The following RNF217 variants were observed in gnomAD, a reference collection of about 807,000 sequenced individuals.
The protein encoded by RNF217 is E3 ubiquitin-protein ligase RNF217.
RNF217 carries 31 observed loss-of-function variants against 57.8 expected under a neutral mutation model. The observed-to-expected ratio is 0.54, with a 90% CI of 0.40 to 0.72. The LOEUF is 0.72. RNF217 is among the 30% of genes least tolerant of loss of function. The pLI, the probability that RNF217 is intolerant of heterozygous loss-of-function variation, is 0.00. For synonymous variants in RNF217, 313 were observed against 294.0 expected, an observed-to-expected ratio of 1.06 and a Z score of -0.66; for missense variants, 696 against 708.3, an observed-to-expected ratio of 0.98 and a Z score of 0.20.
At chr6:125,027,975 T>C (rs1489030053) in intron 1 of RNF217, among the ~76,000 whole-genome samples, 4 of 152,258 alleles carry the variant, frequency 2.6e-5, no homozygotes, top group Middle Eastern at 3.4e-3. Flanking sequence ...AATCAGATTA[T>C]TAGATTTTTT....
intron 3 of RNF217, among the ~76,000 whole-genome samples, chr6:125,058,873 C>T (rs1245984860): frequency 2.0e-5 from 3 of 152,070 alleles, no homozygotes; most frequent in Non-Finnish European, 4.4e-5. Flanking sequence ...GTACCCTTTG[C>T]CTTATGTGGT....
At chr6:125,030,282 GC>G (rs1786298681) in intron 1 of RNF217, among the ~76,000 whole-genome samples, 1 of 151,980 alleles carries the variant, frequency 6.6e-6, no homozygotes, top group Non-Finnish European at 1.5e-5. Context: ...TCTGCCCCTG[GC>G]CCCTCTAAAT....
At chr6:124,991,914 G>C (rs1205656962) in intron 1 of RNF217, among the ~76,000 whole-genome samples, 1 of 152,174 alleles carries the variant, frequency 6.6e-6, no homozygotes, top group Non-Finnish European at 1.5e-5. Flanking sequence ...ATACCAGAAA[G>C]CTCTATTAGA....
chr6:125,061,963 AC>A (rs1301515221), intron 3 of RNF217, among the ~76,000 whole-genome samples: 1 of 151,732 alleles, frequency 6.6e-6, no homozygotes, highest in African/African-American at 2.4e-5. Flanking sequence ...AAACCATCTA[AC>A]CCAATTGTGT....
rs576221501 is a variant in RNF217 at position 125,068,956 on chromosome 6, G to C, written c.1282-7701G>C. On this transcript the variant is annotated intron_variant, in intron 3 of 5. Coordinates refer to ENST00000521654, the MANE Select transcript of RNF217 (RefSeq NM_001286398.3). ...CACAGAGAGGAGAGGTGAAGATGAAGCTGAAGGAGGGGAAAACTGGCATCT... is the reference window on the plus strand; with the variant it reads ...CACAGAGAGGAGAGGTGAAGATGAACCTGAAGGAGGGGAAAACTGGCATCT... Among the ~76,000 whole-genome samples the C allele has an allele frequency of 2.0e-5, 3 of 152,038 alleles. No homozygotes were observed. In the East Asian group the frequency reaches 5.8e-4, roughly 29 times the overall value.
rs1020290113 is a variant in RNF217, at chr6:125,089,378, A to G, written c.*6441A>G. 2.6e-5 allele frequency: 4 copies of G among 152,182 alleles called. No individual in the cohort carries two copies. Among genetic ancestry groups the G allele is most frequent in the Admixed American group, 1.3e-4 (2 of 15,272 alleles). 9.4% of individuals were successfully genotyped at this position (152,182 alleles called of 1,614,324 possible). Reference sequence around the variant, plus strand: ...CCAAAAAGGGTTATAGGTATGGTTTATGGTCTTTGTTTCAGCAAAACGTCC... The same window carrying G: ...CCAAAAAGGGTTATAGGTATGGTTTGTGGTCTTTGTTTCAGCAAAACGTCC... On this transcript the variant is annotated 3_prime_UTR_variant, in exon 6 of 6. Coordinates refer to ENST00000521654, the MANE Select transcript of RNF217 (RefSeq NM_001286398.3).
At chr6:125,066,823 G>A (rs895866780) in intron 3 of RNF217, among the ~76,000 whole-genome samples, 1 of 152,132 alleles carries the variant, frequency 6.6e-6, no homozygotes, top group Non-Finnish European at 1.5e-5. Flanking sequence ...ATAGATAATG[G>A]CTGAATAAAT....
chr6:125,053,505 AT>A (rs1410889925), intron 2 of RNF217, among the ~76,000 whole-genome samples: 1 of 152,122 alleles, frequency 6.6e-6, no homozygotes, highest in Non-Finnish European at 1.5e-5. Context: ...AATATTTTGA[AT>A]TTGATAAGTA....
At chr6:125,063,956 G>C (rs1053997104) in intron 3 of RNF217, among the ~76,000 whole-genome samples, 2 of 152,058 alleles carry the variant, frequency 1.3e-5, no homozygotes, top group Non-Finnish European at 2.9e-5. Flanking sequence ...AGAATGTATT[G>C]ATTCAAAGAA....
chr6:125,012,160 T>G (rs1785439168), intron 1 of RNF217, among the ~76,000 whole-genome samples: 1 of 152,046 alleles, frequency 6.6e-6, no homozygotes, highest in African/African-American at 2.4e-5. Context: ...TAAAAAACTA[T>G]GAAGGAATAG....
At position 125,090,009 on chromosome 6, in the gene RNF217, T is replaced by G. The variant is rs1788886747; in HGVS notation, c.*7072T>G. 6.6e-6 allele frequency: 1 copy of G among 152,130 alleles called. No homozygotes were observed. Among genetic ancestry groups the G allele is most frequent in the African/African-American group, 2.4e-5 (1 of 41,438 alleles). The allele number at this position is 152,130 out of a possible 1,614,324, so 9.4% of individuals were successfully genotyped here. ...AAAGTATCATAATTTCATTATCAGC[T>G]GACAAGAAACCCTTCTAAGACCCAT... On this transcript the variant is annotated 3_prime_UTR_variant, in exon 6 of 6. Coordinates refer to ENST00000521654, the MANE Select transcript of RNF217 (RefSeq NM_001286398.3).
chr6:124,979,508 G>A lies in RNF217; in HGVS notation c.882+16082G>A, dbSNP rs138016792. On this transcript the variant is annotated intron_variant, in intron 1 of 5. Transcript: ENST00000521654. ...AGCAGAACAAAGATACCAGCGTGGC[G>A]CAGAGCACCAAAGGCAGAAGGACCT... 3.2e-3 allele frequency among the ~76,000 whole-genome samples: 494 copies of A among 152,234 alleles called. 2 individuals are homozygous for A. Among genetic ancestry groups the A allele is most frequent in the Non-Finnish European group, 3.7e-3 (252 of 68,012 alleles).
chr6:125,030,615 TTCCAGGTCTCATA>T (rs1164411010), intron 1 of RNF217, among the ~76,000 whole-genome samples: 2 of 152,206 alleles, frequency 1.3e-5, no homozygotes, highest in East Asian at 3.9e-4. Flanking sequence ...TCTCCTTTGA[TTCCAGGTCTCATA>T]TCCAGGTCAC....
chr6:125,065,700 A>G (rs1379338909), intron 3 of RNF217, among the ~76,000 whole-genome samples: 1 of 152,200 alleles, frequency 6.6e-6, no homozygotes, highest in Non-Finnish European at 1.5e-5. Flanking sequence ...TAAAGGATCT[A>G]AAGCTTTCTT....
At chr6:125,063,559 A>G (rs918167012) in intron 3 of RNF217, among the ~76,000 whole-genome samples, 1 of 152,142 alleles carries the variant, frequency 6.6e-6, no homozygotes, top group African/African-American at 2.4e-5. Flanking sequence ...TGTAGTTACT[A>G]TAAATATATT....
intron 1 of RNF217, among the ~76,000 whole-genome samples, chr6:124,972,839 G>T (rs902152587): frequency 6.6e-6 from 1 of 151,986 alleles, no homozygotes; most frequent in African/African-American, 2.4e-5. Context: ...TTTACTTAAG[G>T]TTATCAAACT....
chr6:125,041,111 A>G (rs772883898), intron 1 of RNF217, among the ~76,000 whole-genome samples: 1 of 152,146 alleles, frequency 6.6e-6, no homozygotes, highest in Non-Finnish European at 1.5e-5. Flanking sequence ...CAGTGAAGCA[A>G]TGCATTTATT....
chr6:125,022,325 C>T (rs754256145), intron 1 of RNF217, among the ~76,000 whole-genome samples: 4 of 152,138 alleles, frequency 2.6e-5, no homozygotes, highest in Non-Finnish European at 5.9e-5. Context: ...ATATACAGTA[C>T]GAATTCAGTG....
chr6:124,983,550 A>G, intron 1 of RNF217: 1 of 940,738 alleles, frequency 1.1e-6, no homozygotes, highest in Non-Finnish European at 1.3e-6. Context: ...AACTAATACC[A>G]GTCATTCTAT....
Sources: allele counts gnomAD v4.1 joint callset (sites outside exome capture counted in the v4.1 genomes callset), GRCh38; gene constraint gnomAD v4.1.1; transcripts MANE v1.5; gene names NCBI Gene and HGNC (gene_info 2026-07-23, HGNC 2026-07-21).